GRIA4: variants seen among roughly 807,000 people sequenced by gnomAD.
The protein encoded by GRIA4 is glutamate receptor 4.
GRIA4 carries 34 observed loss-of-function variants against 104.0 expected under a neutral mutation model. The observed-to-expected ratio is 0.33, with a 90% CI of 0.25 to 0.44. GRIA4 has a LOEUF of 0.44. Ranked by LOEUF, GRIA4 falls within the 20% of genes least tolerant of loss-of-function variation. GRIA4 has a pLI of 1.00. For missense variants in GRIA4, 750 were observed against 1,096.5 expected, an observed-to-expected ratio of 0.68 and a Z score of 4.46; for synonymous variants, 386 against 381.9, an observed-to-expected ratio of 1.01 and a Z score of -0.13.
chr11:105,718,614 G>C (rs1180192278), intron 3 of GRIA4, among the ~76,000 whole-genome samples: 1 of 152,160 alleles, frequency 6.6e-6, no homozygotes, highest in African/African-American at 2.4e-5. Context: ...ACTAATTTCA[G>C]TCCACTGTAG....
chr11:105,890,741 T>C (rs1207151721), intron 6 of GRIA4, among the ~76,000 whole-genome samples: 1 of 152,238 alleles, frequency 6.6e-6, no homozygotes, highest in African/African-American at 2.4e-5. Context: ...CTGAACAGCA[T>C]GAGCTATGCC....
At chr11:105,685,311 T>A (rs1169092835) in intron 3 of GRIA4, among the ~76,000 whole-genome samples, 1 of 152,104 alleles carries the variant, frequency 6.6e-6, no homozygotes, top group Non-Finnish European at 1.5e-5. Flanking sequence ...TTCACCAAAT[T>A]TAGATTACCA....
chr11:105,900,863 C>G (rs956062787), intron 7 of GRIA4, among the ~76,000 whole-genome samples: 1 of 152,158 alleles, frequency 6.6e-6, no homozygotes, highest in Non-Finnish European at 1.5e-5. Flanking sequence ...CAGGCATGAG[C>G]CACTGCGCCT....
chr11:105,662,232 T>C (rs190409962), intron 3 of GRIA4, among the ~76,000 whole-genome samples: 2,073 of 151,966 alleles, frequency 0.014, 23 homozygotes, highest in Non-Finnish European at 0.02. Context: ...CTAAAAATAT[T>C]CATTTTACAG....
intron 14 of GRIA4, among the ~76,000 whole-genome samples, chr11:105,952,263 A>G (rs929674619): frequency 1.3e-5 from 2 of 152,170 alleles, no homozygotes; most frequent in African/African-American, 2.4e-5. Context: ...GAAATTATGT[A>G]TAAGTCTGGG....
intron 10 of GRIA4, chr11:105,912,520 T>TTATA (rs1252945356): frequency 5.8e-6 from 2 of 344,676 alleles, no homozygotes; most frequent in Admixed American, 6.8e-5. Flanking sequence ...TCCAACTGTT[T>TTATA]TATATATATA....
At chr11:105,934,033 C>G in intron 14 of GRIA4, 64 bp downstream of exon 14, 1 of 1,299,584 alleles carries the variant, frequency 7.7e-7, no homozygotes, top group Non-Finnish European at 1.1e-6. Flanking sequence ...CCTGATGTGC[C>G]TGAGAGAATT....
In GRIA4 at chr11:105,890,385, G is replaced by A. The variant is rs546779171; in HGVS notation, c.726+2813G>A. 2.0e-4 allele frequency among the ~76,000 whole-genome samples: 31 copies of A among 152,252 alleles called. No individual in the cohort carries two copies. The East Asian group carries it at 5.6e-3, about 27-fold the overall frequency. On this transcript the variant is annotated intron_variant, in intron 6 of 16. Coordinates refer to ENST00000282499, the MANE Select transcript of GRIA4 (RefSeq NM_000829.4). ...AAATTTTTGAGCTGAAATACAGAAA[G>A]CAGATTTCATGTAATTAAACAAAAT...
chr11:105,848,250 C>CT (rs906299906), intron 4 of GRIA4, among the ~76,000 whole-genome samples: 2 of 152,072 alleles, frequency 1.3e-5, no homozygotes, highest in African/African-American at 4.8e-5. Context: ...GCAGGCAGCA[C>CT]TTTTTTGTAC....
chr11:105,794,654 C>T (rs1415727855), intron 4 of GRIA4, among the ~76,000 whole-genome samples: 2 of 148,076 alleles, frequency 1.4e-5, no homozygotes, highest in East Asian at 2.0e-4. Context: ...GGTTATATGG[C>T]TATGTAGTAA....
At chr11:105,840,404 A>G (rs566276064) in intron 4 of GRIA4, among the ~76,000 whole-genome samples, 4 of 152,226 alleles carry the variant, frequency 2.6e-5, no homozygotes, top group Non-Finnish European at 5.9e-5. Context: ...ATACATCTAC[A>G]TGATTTTCAT....
chr11:105,619,938 A>T (rs906751086), intron 3 of GRIA4, among the ~76,000 whole-genome samples: 6 of 151,908 alleles, frequency 3.9e-5, no homozygotes, highest in Non-Finnish European at 7.4e-5. Flanking sequence ...TTAACATAGA[A>T]AATAATCAGT....
At chr11:105,663,999 T>G (rs971746414) in intron 3 of GRIA4, among the ~76,000 whole-genome samples, 1 of 150,946 alleles carries the variant, frequency 6.6e-6, no homozygotes, top group Non-Finnish European at 1.5e-5. Context: ...AATATTTACC[T>G]TGCAGGGTTG....
chr11:105,843,725 G>A lies in GRIA4; in HGVS notation c.488-18299G>A, dbSNP rs73554245. On this transcript the variant is annotated intron_variant, in intron 4 of 16. Transcript: ENST00000282499. ...TTTCATAGGTTTCTGAAATAAAATGGAAGTGCTGGGACGATCGTATGTGAC... is the reference window on the plus strand; with the variant it reads ...TTTCATAGGTTTCTGAAATAAAATGAAAGTGCTGGGACGATCGTATGTGAC... 3.5e-3 allele frequency among the ~76,000 whole-genome samples: 528 copies of A among 152,220 alleles called. 3 individuals carry two copies. The highest frequency in any genetic ancestry group is 0.012 in the African/African-American group (495 of 41,526).
chr11:105,746,068 T>A (rs1333541514), intron 3 of GRIA4, among the ~76,000 whole-genome samples: 1 of 152,114 alleles, frequency 6.6e-6, no homozygotes, highest in Non-Finnish European at 1.5e-5. Context: ...TCATAAACAT[T>A]TATGCGATAC....
At chr11:105,809,422 A>G (rs1361422996) in intron 4 of GRIA4, among the ~76,000 whole-genome samples, 1 of 152,100 alleles carries the variant, frequency 6.6e-6, no homozygotes, top group Admixed American at 6.6e-5. Flanking sequence ...GTTAACTAGA[A>G]TCTCCCTATT....
intron 4 of GRIA4, among the ~76,000 whole-genome samples, chr11:105,850,415 T>A (rs1227582173): frequency 6.6e-6 from 1 of 152,194 alleles, no homozygotes; most frequent in Non-Finnish European, 1.5e-5. Flanking sequence ...AATAGTCCTA[T>A]GGGGTTTTGT....
chr11:105,921,306 GGT>G (rs5794436), intron 11 of GRIA4, among the ~76,000 whole-genome samples: 17,751 of 138,564 alleles, frequency 0.13, 1,016 homozygotes, highest in African/African-American at 0.16. Flanking sequence ...ACCACACTTG[GGT>G]GTGTGTGTGT....
intron 3 of GRIA4, among the ~76,000 whole-genome samples, chr11:105,728,465 G>A (rs1367207017): frequency 6.6e-6 from 1 of 152,080 alleles, no homozygotes; most frequent in Non-Finnish European, 1.5e-5. Context: ...AATTAACAAG[G>A]ATATTCAGGA....
Sources: allele counts gnomAD v4.1 joint callset (sites outside exome capture counted in the v4.1 genomes callset), GRCh38; gene constraint gnomAD v4.1.1; transcripts MANE v1.5; gene names NCBI Gene and HGNC (gene_info 2026-07-23, HGNC 2026-07-21).